The following MACROD2 variants were observed in gnomAD, a reference collection of about 807,000 sequenced individuals.
MACROD2 encodes the protein mono-ADP ribosylhydrolase 2.
Under a neutral mutation model 70.4 loss-of-function variants are expected in MACROD2, and 36 were observed. The observed-to-expected ratio is 0.51, with a 90% CI of 0.39 to 0.68. MACROD2 has a LOEUF of 0.68. Among genes scored for constraint, MACROD2 ranks in the 30% least tolerant of loss-of-function variants. MACROD2 has a pLI of 0.00. For missense variants in MACROD2, 496 were observed against 538.4 expected (o/e 0.92, Z 0.78); for synonymous variants, 172 against 178.8 (o/e 0.96, Z 0.30).
At chr20:15,071,797 C>T (rs1432623752) in intron 5 of MACROD2, among the ~76,000 whole-genome samples, 1 of 152,104 alleles carries the variant, frequency 6.6e-6, no homozygotes, top group East Asian at 1.9e-4. Flanking sequence ...TTCTGTGCTG[C>T]AAATTTTGAA....
intron 4 of MACROD2, among the ~76,000 whole-genome samples, chr20:14,527,282 G>A (rs1281484725): frequency 6.6e-6 from 1 of 152,148 alleles, no homozygotes; most frequent in African/African-American, 2.4e-5. Flanking sequence ...GTTTTCGTAG[G>A]CACACGATGG....
At chr20:14,556,254 T>C (rs960250669) in intron 4 of MACROD2, among the ~76,000 whole-genome samples, 2 of 152,008 alleles carry the variant, frequency 1.3e-5, no homozygotes, top group Non-Finnish European at 2.9e-5. Flanking sequence ...TTCCGGGTTC[T>C]CTCCCTTATA....
intron 5 of MACROD2, among the ~76,000 whole-genome samples, chr20:15,106,796 A>G (rs1220875133): frequency 6.6e-6 from 1 of 152,062 alleles, no homozygotes; most frequent in Non-Finnish European, 1.5e-5. Context: ...GTGCACAAAT[A>G]TATCTCTTGA....
chr20:15,825,289 C>T (rs2063984718), intron 8 of MACROD2, among the ~76,000 whole-genome samples: 2 of 152,142 alleles, frequency 1.3e-5, no homozygotes, highest in African/African-American at 4.8e-5. Flanking sequence ...ATGTTGAATG[C>T]TTGCTCTTGA....
chr20:14,930,516 T>C (rs1164671435), intron 5 of MACROD2, among the ~76,000 whole-genome samples: 1 of 152,168 alleles, frequency 6.6e-6, no homozygotes, highest in Non-Finnish European at 1.5e-5. Context: ...CTCTTTACTT[T>C]AGCATTTCAT....
intron 8 of MACROD2, among the ~76,000 whole-genome samples, chr20:15,622,536 G>A (rs1007739709): frequency 1.3e-5 from 2 of 152,102 alleles, no homozygotes; most frequent in African/African-American, 4.8e-5. Flanking sequence ...GGCTGGTAGC[G>A]TCTACAGTGT....
chr20:14,855,597 G>GTTT (rs71190156), intron 5 of MACROD2, among the ~76,000 whole-genome samples: 1,220 of 77,188 alleles, frequency 0.016, 171 homozygotes, highest in East Asian at 0.081. Flanking sequence ...ATCCTACCAA[G>GTTT]TTTTTTTTTT....
rs1238980148 is a variant in MACROD2, at chr20:15,533,500, A to T, written c.645+33653A>T. ...TAGAGTTATTTCAGACAACAAAAAA[A>T]CCCTTAGAGATCATCTATCCAACTT... On this transcript the variant is annotated intron_variant, in intron 8 of 17. Transcript: ENST00000684519. Among the ~76,000 whole-genome samples, 5 of 151,844 alleles carry T rather than the reference A, an allele frequency of 3.3e-5. No individual in the cohort carries two copies. In the East Asian group the frequency reaches 5.8e-4, roughly 18 times the overall value.
chr20:15,318,313 A>T lies in MACROD2; in HGVS notation c.540+88252A>T, dbSNP rs181778843. On this transcript the variant is annotated intron_variant, in intron 6 of 17. Transcript: ENST00000684519. ...AACAAAATTTGAACAGATTTATATA[A>T]CAAGAAATTATATCAGTAATTAAAC... Among the ~76,000 whole-genome samples, 15 of 152,166 alleles carry T rather than the reference A, an allele frequency of 9.9e-5. No individual in the cohort carries two copies. The East Asian group carries it at 2.9e-3, about 29-fold the overall frequency.
chr20:15,959,374 G>A (rs910324294), intron 12 of MACROD2, among the ~76,000 whole-genome samples: 6 of 152,076 alleles, frequency 3.9e-5, no homozygotes, highest in African/African-American at 7.2e-5. Context: ...AGGCTGTTTC[G>A]TCTTTAATTT....
chr20:15,430,157 C>G (rs2046346507), intron 6 of MACROD2, among the ~76,000 whole-genome samples: 1 of 151,856 alleles, frequency 6.6e-6, no homozygotes, highest in Non-Finnish European at 1.5e-5. Context: ...TTATCCAGTT[C>G]TCCACTGATG....
chr20:14,032,588 T>C (rs1330611616), intron 2 of MACROD2, among the ~76,000 whole-genome samples: 1 of 152,172 alleles, frequency 6.6e-6, no homozygotes, highest in Admixed American at 6.5e-5. Flanking sequence ...CAATTACCTG[T>C]TCATAACCTT....
At chr20:14,771,247 G>T (rs192209698) in intron 5 of MACROD2, among the ~76,000 whole-genome samples, 1 of 151,874 alleles carries the variant, frequency 6.6e-6, no homozygotes, top group Non-Finnish European at 1.5e-5. Context: ...TAGCTTCCTG[G>T]GTCTCTAGTT....
At chr20:15,019,527 C>G (rs2075148100) in intron 5 of MACROD2, among the ~76,000 whole-genome samples, 1 of 152,128 alleles carries the variant, frequency 6.6e-6, no homozygotes, top group Non-Finnish European at 1.5e-5. Context: ...AAAGTTGGTA[C>G]CACTTATGGC....
At chr20:14,657,358 A>G (rs934839590) in intron 4 of MACROD2, among the ~76,000 whole-genome samples, 2 of 152,202 alleles carry the variant, frequency 1.3e-5, no homozygotes, top group African/African-American at 4.8e-5. Context: ...ACTTTAGACA[A>G]GTAAATAAAA....
At chr20:16,035,618 C>T (rs993613664) in intron 15 of MACROD2, among the ~76,000 whole-genome samples, 1 of 151,938 alleles carries the variant, frequency 6.6e-6, no homozygotes, top group Admixed American at 6.6e-5. Context: ...AGAACTGAAT[C>T]GATTAGAAGT....
intron 6 of MACROD2, among the ~76,000 whole-genome samples, chr20:15,326,671 A>G (rs916727981): frequency 8.5e-5 from 13 of 152,092 alleles, no homozygotes; most frequent in African/African-American, 3.1e-4. Context: ...TAAGACAAGG[A>G]TGGGGCTCTA....
At chr20:15,996,274 TATC>T (rs1363614730) in intron 15 of MACROD2, among the ~76,000 whole-genome samples, 1 of 152,196 alleles carries the variant, frequency 6.6e-6, no homozygotes, top group Non-Finnish European at 1.5e-5. Flanking sequence ...TTCAGCACCT[TATC>T]TCATATCTAT....
intron 5 of MACROD2, among the ~76,000 whole-genome samples, chr20:15,226,266 T>C (rs1211176494): frequency 6.6e-6 from 1 of 152,210 alleles, no homozygotes; most frequent in African/African-American, 2.4e-5. Flanking sequence ...AGGATTGGTG[T>C]TCTTTCCACA....
Sources: allele counts gnomAD v4.1 joint callset (sites outside exome capture counted in the v4.1 genomes callset), GRCh38; gene constraint gnomAD v4.1.1; transcripts MANE v1.5; gene names NCBI Gene and HGNC (gene_info 2026-07-23, HGNC 2026-07-21).